The following OTOG variants were observed in gnomAD, a reference collection of about 807,000 sequenced individuals.
OTOG encodes the protein otogelin.
A neutral mutation model predicts 313.8 loss-of-function variants in OTOG; 296 were observed. The ratio of observed to expected loss-of-function variants is 0.94; its 90% CI spans 0.86 to 1.04. OTOG has a LOEUF of 1.04. OTOG is among the 50% of genes least tolerant of loss of function. The probability of loss-of-function intolerance (pLI) is 0.00; values close to 1 mark genes in which losing one functional copy is unlikely to be tolerated. For missense variants in OTOG, 3,948 were observed against 3,840.1 expected (o/e 1.03, Z -0.74); for synonymous variants, 1,533 against 1,554.9 (o/e 0.99, Z 0.33).
intron 4 of OTOG, among the ~76,000 whole-genome samples, chr11:17,552,614 C>CTGTGTCCCCCACCTGTACTGTG (rs1158447407): frequency 3.3e-5 from 5 of 151,694 alleles, no homozygotes; most frequent in African/African-American, 9.7e-5. Flanking sequence ...CCCACCTGTC[C>CTGTGTCCCCCACCTGTACTGTG]TCTCACATCA....
chr11:17,638,217 C>T (rs1283896319), intron 47 of OTOG, among the ~76,000 whole-genome samples: 1 of 152,194 alleles, frequency 6.6e-6, no homozygotes, highest in Non-Finnish European at 1.5e-5. Context: ...ATTTAATGAG[C>T]TTGAGGTTCT....
At chr11:17,562,208 A>G (rs1852204541) in intron 15 of OTOG, among the ~76,000 whole-genome samples, 1 of 145,672 alleles carries the variant, frequency 6.9e-6, no homozygotes. Context: ...ACTGCACTCC[A>G]GCCTGGGCAA....
chr11:17,623,968 T>C (rs1853922900), intron 39 of OTOG, among the ~76,000 whole-genome samples: 2 of 152,244 alleles, frequency 1.3e-5, no homozygotes, highest in African/African-American at 4.8e-5. Flanking sequence ...TCTGTTCATG[T>C]CCTTTGCCCA....
chr11:17,558,137 C>A, intron 8 of OTOG, 48 bp from the exon 9 acceptor site: 1 of 1,546,016 alleles, frequency 6.5e-7, no homozygotes. Flanking sequence ...CCCTCCCATC[C>A]ACCCAACCCC....
intron 46 of OTOG, 57 bp downstream of exon 46, chr11:17,635,244 C>T: frequency 7.2e-7 from 1 of 1,395,756 alleles, no homozygotes; most frequent in Non-Finnish European, 9.7e-7. Context: ...CCGCCGGCCT[C>T]ACCCCTGTGT....
intron 53 of OTOG, 83 bp from the exon 54 acceptor site, chr11:17,643,378 C>CT: frequency 1.0e-6 from 1 of 972,900 alleles, no homozygotes; most frequent in South Asian, 2.5e-5. Context: ...GACTCCTGTA[C>CT]TCTGCCTGTT....
Position 17,594,148 on chromosome 11 carries a change from C to A in OTOG, c.3390C>A (p.Ser1130Arg), listed in dbSNP as rs542345465. ...TAACTAACCCCCAGGAGTTTGGCAGCAGTTGGGCTGCAGTTGAGGTAAAGC... is the reference window on the plus strand; with the variant it reads ...TAACTAACCCCCAGGAGTTTGGCAGAAGTTGGGCTGCAGTTGAGGTAAAGC... ...LELTNPQEFG[S>R]SWAAVECPDT... Residue 1130 changes from serine (S) to arginine (R), a missense_variant, in exon 28 of 56, where the codon AGC becomes AGA. Transcript: ENST00000399397. The A allele has an allele frequency of 1.9e-6, 3 of 1,550,626 alleles. No homozygotes were observed. The highest frequency in any genetic ancestry group is 2.7e-5 in the African/African-American group (2 of 73,188).
At chr11:17,548,682 G>C (rs953110518) in intron 3 of OTOG, among the ~76,000 whole-genome samples, 6 of 151,972 alleles carry the variant, frequency 3.9e-5, no homozygotes, top group African/African-American at 1.4e-4. Context: ...AGGAAGGTTT[G>C]GTTGAGAAGC....
chr11:17,592,024 A>G lies in OTOG; in HGVS notation c.3006+436A>G, dbSNP rs182736313. Among the ~76,000 whole-genome samples, 34 of 152,346 alleles carry G rather than the reference A, an allele frequency of 2.2e-4. No homozygotes were observed. The East Asian group carries it at 6.2e-3, about 28-fold the overall frequency. Reference sequence around the variant, plus strand: ...AGTTAGGTAACTTGCCCAAGGTCACACAGCAGTCAGTGGTAGAGCTGGGGT... The same window carrying G: ...AGTTAGGTAACTTGCCCAAGGTCACGCAGCAGTCAGTGGTAGAGCTGGGGT... On this transcript the variant is annotated intron_variant, in intron 25 of 55. Transcript: ENST00000399397.
chr11:17,641,199 G>C, intron 51 of OTOG, 108 bp downstream of exon 51: 1 of 1,262,408 alleles, frequency 7.9e-7, no homozygotes, highest in Non-Finnish European at 1.1e-6. Context: ...AAACCCCCAG[G>C]ACAAGTCAGA....
chr11:17,608,464 G>A, intron 34 of OTOG, 51 bp downstream of exon 34: 1 of 1,229,960 alleles, frequency 8.1e-7, no homozygotes, highest in Non-Finnish European at 1.1e-6. Context: ...GCACTAGTGT[G>A]TGTGTGCACT....
At chr11:17,633,908 C>A in intron 43 of OTOG, 34 bp downstream of exon 43, 1 of 1,501,344 alleles carries the variant, frequency 6.7e-7, no homozygotes. Flanking sequence ...GGGGGGCCTC[C>A]AAAGCCAGCC....
At position 17,583,277 on chromosome 11, in the gene OTOG, G is replaced by A. The variant is rs117254529; in HGVS notation, c.2760-3197G>A. ...AGCCTCCTGAGTAGCTAAGACTACAGGTGTGCACCACTATACCTGGCAAAT... is the reference window on the plus strand; with the variant it reads ...AGCCTCCTGAGTAGCTAAGACTACAAGTGTGCACCACTATACCTGGCAAAT... On this transcript the variant is annotated intron_variant, in intron 23 of 55. Transcript: ENST00000399397. Among the ~76,000 whole-genome samples the A allele has an allele frequency of 5.0e-3, 766 of 152,176 alleles. 29 individuals are homozygous for A. In the East Asian group the frequency reaches 0.086, roughly 17 times the overall value.
rs1847977748 is a variant in OTOG, at chr11:17,641,854, A to G, written c.8198A>G (p.Glu2733Gly). 1 of 1,549,516 alleles carries G rather than the reference A, an allele frequency of 6.5e-7. No individual in the cohort carries two copies. Among genetic ancestry groups the G allele is most frequent in the African/African-American group, 1.4e-5 (1 of 73,010 alleles). Residue 2733 changes from glutamate to glycine, a missense_variant, in exon 52 of 56, where the codon GAG (glutamate) becomes GGG (glycine). Coordinates refer to ENST00000399397, the MANE Select transcript of OTOG (RefSeq NM_001292063.2). ...CCCCGCCCTGGCCTGTAGAACCAGG[A>G]GTACGAGCACCCGCGGGACCTCGCT... ...LCDIHCEANQ[E>G]YEHPRDLAAC... is the part of the protein sequence containing the mutation.
intron 22 of OTOG, 200 bp from the exon 23 acceptor site, chr11:17,578,173 T>C (rs2134035640): frequency 8.1e-7 from 1 of 1,227,706 alleles, no homozygotes; most frequent in East Asian, 3.1e-5. Flanking sequence ...GTGGCCGCAG[T>C]CTTATTGTGT....
chr11:17,610,910 A>G lies in OTOG; in HGVS notation c.5610A>G (p.Ala1870=), dbSNP rs201506398. 270 of 1,550,462 alleles carry G rather than the reference A, an allele frequency of 1.7e-4. 2 individuals carry two copies. The highest frequency in any genetic ancestry group is 3.3e-5 in the Non-Finnish European group (38 of 1,146,998). The change falls in exon 36 of 56, where the codon GCA becomes GCG. Residue 1870 remains alanine (A), a synonymous_variant. Coordinates refer to ENST00000399397, the MANE Select transcript of OTOG (RefSeq NM_001292063.2). ...CCACTCACATAGCACCCCCAGCAGCAGGCACAGCTCCAGGCCTGCTGCTGG... is the reference window on the plus strand; with the variant it reads ...CCACTCACATAGCACCCCCAGCAGCGGGCACAGCTCCAGGCCTGCTGCTGG... ...HPPTHIAPPA[A]GTAPGLLLGA... is the part of the protein sequence containing the mutation.
intron 15 of OTOG, among the ~76,000 whole-genome samples, chr11:17,562,835 A>G (rs1405629004): frequency 2.0e-5 from 3 of 151,958 alleles, no homozygotes; most frequent in South Asian, 4.2e-4. Flanking sequence ...TTCTGCAAAC[A>G]TTGAATACCT....
At position 17,609,942 on chromosome 11, in the gene OTOG, TC is replaced by T. The variant is rs1269466280; in HGVS notation, c.4646del (p.Pro1549GlnfsTer6). 9 of 1,536,700 alleles carry T rather than the reference TC, an allele frequency of 5.9e-6. No homozygotes were observed. In the African/African-American group the frequency reaches 1.1e-4, roughly 19 times the overall value. On this transcript the variant is annotated frameshift_variant, in exon 36 of 56. Transcript: ENST00000399397. LOFTEE classifies it high-confidence loss of function. The part of the protein sequence containing the change: ...ASQLPAGPTE[S>X]PASKGVTASL... The stretch of plus-strand genomic sequence containing the variant: ...TCAACTCCCCGCCGGCCCCACGGAG[TC>T]CCCAGCCAGCAAGGGAGTGACTGCC...
At chr11:17,556,715 G>A (rs893614895) in intron 7 of OTOG, among the ~76,000 whole-genome samples, 1 of 152,172 alleles carries the variant, frequency 6.6e-6, no homozygotes, top group African/African-American at 2.4e-5. Flanking sequence ...CCCTGTACCA[G>A]GAAAACTGGG....
Sources: gnomAD v4.1 joint callset for allele counts (sites outside exome capture counted in the v4.1 genomes callset) on GRCh38, gnomAD v4.1.1 for gene constraint, MANE v1.5 for transcripts, NCBI Gene and HGNC (gene_info 2026-07-23, HGNC 2026-07-21) for gene names.